KIZ: variants seen among roughly 807,000 people sequenced by gnomAD.
KIZ encodes kizuna centrosomal protein, also known as centrosomal protein kizuna.
Under a neutral mutation model 79.6 loss-of-function variants are expected in KIZ, and 68 were observed. The observed-to-expected ratio is 0.85, with a 90% CI of 0.70 to 1.05. The LOEUF (loss-of-function observed/expected upper bound fraction) is 1.05. KIZ is among the 50% of genes least tolerant of loss of function. KIZ has a pLI of 0.00. For synonymous variants in KIZ, 280 were observed against 281.8 expected (o/e 0.99, Z 0.06); for missense variants, 797 against 800.4 (o/e 1.00, Z 0.05).
intron 10 of KIZ, 151 bp from the exon 11 acceptor site, chr20:21,232,583 C>T: frequency 1.7e-6 from 1 of 571,736 alleles, no homozygotes; most frequent in Non-Finnish European, 3.2e-6. Flanking sequence ...TCATTCTCTG[C>T]CTCAGAAGCT....
intron 1 of KIZ, among the ~76,000 whole-genome samples, chr20:21,126,819 A>G (rs2031507382): frequency 6.6e-6 from 1 of 152,188 alleles, no homozygotes; most frequent in South Asian, 2.1e-4. Context: ...GAACCACTGA[A>G]AACAGCTAGA....
At chr20:21,153,771 G>A (rs1200537035) in intron 4 of KIZ, among the ~76,000 whole-genome samples, 3 of 152,218 alleles carry the variant, frequency 2.0e-5, no homozygotes, top group Admixed American at 2.0e-4. Context: ...GTGTCCTCAT[G>A]TGCCTTTTCT....
intron 7 of KIZ, among the ~76,000 whole-genome samples, chr20:21,211,860 A>G (rs1409991599): frequency 6.6e-6 from 1 of 152,212 alleles, no homozygotes; most frequent in African/African-American, 2.4e-5. Context: ...AGGCCCAGGA[A>G]CGCAGATCAC....
In KIZ at chr20:21,200,728, A is replaced by G. The variant is rs552824063; in HGVS notation, c.1353-4763A>G. 3.3e-4 allele frequency among the ~76,000 whole-genome samples: 51 copies of G among 152,268 alleles called. 2 individuals carry two copies. The highest frequency in any genetic ancestry group is 1.2e-3 in the African/African-American group (48 of 41,542). On this transcript the variant is annotated intron_variant, in intron 6 of 12. Transcript: ENST00000619189. Reference sequence around the variant, plus strand: ...TGCTTTGTGGCCCAGTTCCTAGCAGACCACGTATCAGTACCAGTCCTTGGC... The same window carrying G: ...TGCTTTGTGGCCCAGTTCCTAGCAGGCCACGTATCAGTACCAGTCCTTGGC...
chr20:21,190,382 G>T (rs761520995), intron 6 of KIZ, among the ~76,000 whole-genome samples: 1 of 152,182 alleles, frequency 6.6e-6, no homozygotes, highest in African/African-American at 2.4e-5. Flanking sequence ...AAGGATTAGC[G>T]CTAGCCAATT....
chr20:21,169,223 C>A (rs980754154), intron 6 of KIZ, among the ~76,000 whole-genome samples: 33 of 151,712 alleles, frequency 2.2e-4, no homozygotes, highest in African/African-American at 6.8e-4. Context: ...CAATGAACTC[C>A]AACAAATTTA....
At chr20:21,184,791 C>T (rs990637133) in intron 6 of KIZ, among the ~76,000 whole-genome samples, 2 of 152,136 alleles carry the variant, frequency 1.3e-5, no homozygotes, top group African/African-American at 2.4e-5. Context: ...CCTTTTATCC[C>T]AGCACTTTGG....
intron 3 of KIZ, chr20:21,138,999 A>C (rs1290333418): frequency 7.4e-6 from 1 of 135,822 alleles, no homozygotes; most frequent in African/African-American, 2.8e-5. Flanking sequence ...CCATCCAAGT[A>C]TGAAACCGGC....
rs144488334 is a variant in KIZ, at chr20:21,239,285, G to C, written c.1881-4960G>C. The stretch of plus-strand genomic sequence containing the variant: ...TTCTGAAAGCAGCTCACATAGCCAG[G>C]CACATGCTGTGGCAGGGTTCTCCCT... On this transcript the variant is annotated intron_variant, in intron 11 of 12. Coordinates refer to ENST00000619189, the MANE Select transcript of KIZ (RefSeq NM_018474.6). 2.0e-5 allele frequency among the ~76,000 whole-genome samples: 3 copies of C among 152,348 alleles called. No homozygotes were observed. In the East Asian group the frequency reaches 5.8e-4, roughly 29 times the overall value.
At chr20:21,219,829 A>G (rs1423632234) in intron 9 of KIZ, among the ~76,000 whole-genome samples, 4 of 152,044 alleles carry the variant, frequency 2.6e-5, no homozygotes, top group African/African-American at 4.8e-5. Context: ...GTCTGCTATC[A>G]CTTTGAAGGC....
In KIZ at chr20:21,126,122, C is replaced by A; in HGVS notation, c.7C>A (p.Arg3=). The A allele has an allele frequency of 4.6e-6, 7 of 1,514,804 alleles. No homozygotes were observed. The highest frequency in any genetic ancestry group is 6.2e-6 in the Non-Finnish European group (7 of 1,131,842). 93.8% of individuals were successfully genotyped at this position (1,514,804 alleles called of 1,614,324 possible). Residue 3 remains arginine (R), a synonymous_variant, in exon 1 of 13, where the codon CGG becomes AGG. Transcript: ENST00000619189. MS[R]TLASAVPLSS... ...CTGGCGCAGCGGCAGCAGCATGAGC[C>A]GGACCCTCGCATCGGCCGTGCCCCT...
chr20:21,235,235 G>C (rs1312972483), intron 11 of KIZ, among the ~76,000 whole-genome samples: 1 of 152,206 alleles, frequency 6.6e-6, no homozygotes, highest in African/African-American at 2.4e-5. Context: ...TCATTGTGAT[G>C]GTGGTGGGGT....
chr20:21,154,910 A>T (rs1304269557), intron 4 of KIZ, among the ~76,000 whole-genome samples: 1 of 152,264 alleles, frequency 6.6e-6, no homozygotes, highest in Non-Finnish European at 1.5e-5. Flanking sequence ...GAAACCTGCC[A>T]GCCTACAGAA....
intron 6 of KIZ, among the ~76,000 whole-genome samples, chr20:21,187,030 A>C (rs1040493047): frequency 1.1e-4 from 17 of 152,292 alleles, no homozygotes; most frequent in African/African-American, 3.8e-4. Flanking sequence ...AAAATCTGAA[A>C]CTTTTTGAGT....
intron 6 of KIZ, among the ~76,000 whole-genome samples, chr20:21,171,657 C>G (rs895131617): frequency 6.6e-6 from 1 of 152,168 alleles, no homozygotes; most frequent in African/African-American, 2.4e-5. Context: ...GTTGGCCAGG[C>G]CAGTCTCAGA....
intron 11 of KIZ, among the ~76,000 whole-genome samples, chr20:21,238,542 C>G (rs373154683): frequency 1.1e-3 from 174 of 152,276 alleles, no homozygotes; most frequent in African/African-American, 4.1e-3. Context: ...GGGGTTCTTT[C>G]CTGGCTGCTG....
upstream of KIZ, chr20:21,126,044 G>A: frequency 7.1e-7 from 1 of 1,411,608 alleles, no homozygotes; most frequent in Non-Finnish European, 9.2e-7. Context: ...TGCATGGTGG[G>A]GCGGTCTCCT....
chr20:21,238,034 T>C (rs1422205424), intron 11 of KIZ, among the ~76,000 whole-genome samples: 1 of 152,142 alleles, frequency 6.6e-6, no homozygotes, highest in Non-Finnish European at 1.5e-5. Context: ...TTTCGCCATG[T>C]TGCCCAGGCT....
At chr20:21,149,870 GA>G in intron 4 of KIZ, among the ~76,000 whole-genome samples, 1 of 152,240 alleles carries the variant, frequency 6.6e-6, no homozygotes, top group Non-Finnish European at 1.5e-5. Flanking sequence ...ACTTAGGTTG[GA>G]ATCCCCTGGG....
Sources: gnomAD v4.1 joint callset for allele counts (sites outside exome capture counted in the v4.1 genomes callset) on GRCh38, gnomAD v4.1.1 for gene constraint, MANE v1.5 for transcripts, NCBI Gene and HGNC (gene_info 2026-07-23, HGNC 2026-07-21) for gene names.